Variants in NRG3 observed in about 807,000 individuals in gnomAD.
NRG3 encodes pro-neuregulin-3, membrane-bound isoform.
NRG3 carries 31 observed loss-of-function variants against 66.9 expected under a neutral mutation model. The ratio of observed to expected loss-of-function variants is 0.46; its 90% CI spans 0.35 to 0.63. NRG3 has a LOEUF of 0.63. Among genes scored for constraint, NRG3 ranks in the 20% least tolerant of loss-of-function variants. NRG3 has a pLI of 0.00. For missense variants in NRG3, 910 were observed against 878.9 expected (o/e 1.04, Z -0.45); for synonymous variants, 393 against 359.4 (o/e 1.09, Z -1.06).
At chr10:82,957,411 A>G (rs1485284842) in intron 5 of NRG3, among the ~76,000 whole-genome samples, 3 of 151,876 alleles carry the variant, frequency 2.0e-5, no homozygotes, top group Non-Finnish European at 4.4e-5. Context: ...TGACGGCACT[A>G]TCTTTGTCAG....
At chr10:82,498,511 A>G (rs1299635375) in intron 2 of NRG3, among the ~76,000 whole-genome samples, 5 of 152,158 alleles carry the variant, frequency 3.3e-5, no homozygotes, top group Admixed American at 3.3e-4. Flanking sequence ...GATGTTGTAA[A>G]GGGGTTTACC....
At chr10:82,043,282 A>G (rs1375904749) in intron 1 of NRG3, among the ~76,000 whole-genome samples, 1 of 152,094 alleles carries the variant, frequency 6.6e-6, no homozygotes, top group Non-Finnish European at 1.5e-5. Context: ...CAAATAAGCA[A>G]GTTCAAGCTT....
chr10:82,686,064 C>T (rs112084295), intron 2 of NRG3, among the ~76,000 whole-genome samples: 90 of 152,174 alleles, frequency 5.9e-4, no homozygotes, highest in African/African-American at 2.2e-3. Context: ...AAAGAGTATA[C>T]TCTAAAACAA....
chr10:82,935,158 A>G (rs2132203954), intron 4 of NRG3, among the ~76,000 whole-genome samples: 2 of 152,300 alleles, frequency 1.3e-5, no homozygotes, highest in South Asian at 4.1e-4. Context: ...CACTTTTTGT[A>G]TAGGTAAGGT....
At chr10:82,898,384 C>A (rs985867716) in intron 4 of NRG3, among the ~76,000 whole-genome samples, 4 of 152,184 alleles carry the variant, frequency 2.6e-5, no homozygotes, top group Non-Finnish European at 2.9e-5. Context: ...CCCTTCAAGA[C>A]CACCCTTCAG....
At chr10:82,358,322 A>C (rs1296084763) in intron 1 of NRG3, among the ~76,000 whole-genome samples, 1 of 152,206 alleles carries the variant, frequency 6.6e-6, no homozygotes, top group Non-Finnish European at 1.5e-5. Flanking sequence ...TGGATTCCAC[A>C]GAACAGTCAC....
At chr10:82,506,103 C>T (rs911534515) in intron 2 of NRG3, among the ~76,000 whole-genome samples, 11 of 152,074 alleles carry the variant, frequency 7.2e-5, no homozygotes, top group African/African-American at 1.7e-4. Flanking sequence ...AAAAAACTAG[C>T]GAGGCATGGT....
chr10:82,539,695 G>A (rs1016824219), intron 2 of NRG3, among the ~76,000 whole-genome samples: 7 of 151,694 alleles, frequency 4.6e-5, no homozygotes, highest in Non-Finnish European at 7.4e-5. Flanking sequence ...GTGCAGTGGC[G>A]GGATCTCGTC....
chr10:82,177,146 T>G (rs1247139636), intron 1 of NRG3, among the ~76,000 whole-genome samples: 1 of 152,146 alleles, frequency 6.6e-6, no homozygotes, highest in Non-Finnish European at 1.5e-5. Flanking sequence ...TAATGTTTGC[T>G]ATGTTTATAT....
chr10:81,877,611 C>T, intron 1 of NRG3: 1 of 1,012,534 alleles, frequency 9.9e-7, no homozygotes, highest in Non-Finnish European at 1.2e-6. Flanking sequence ...AAGTAAGGTC[C>T]AGGAGAGGGA....
intron 1 of NRG3, among the ~76,000 whole-genome samples, chr10:82,203,141 G>C (rs2074933088): frequency 6.6e-6 from 1 of 152,154 alleles, no homozygotes; most frequent in African/African-American, 2.4e-5. Flanking sequence ...ACGGATTATA[G>C]AAAAGAGTGA....
rs1400131677 is a variant in NRG3 at position 82,083,158 on chromosome 10, A to G, written c.823+206995A>G. On this transcript the variant is annotated intron_variant, in intron 1 of 8. Coordinates refer to ENST00000372141, the MANE Select transcript of NRG3 (RefSeq NM_001010848.4). Reference sequence around the variant, plus strand: ...CACACATGACTTAAGGCTATTTTTGATGATGTACAGTAGCACTGTATCCAT... The same window carrying G: ...CACACATGACTTAAGGCTATTTTTGGTGATGTACAGTAGCACTGTATCCAT... Among the ~76,000 whole-genome samples, 11 of 152,188 alleles carry G rather than the reference A, an allele frequency of 7.2e-5. No homozygotes were observed. In the East Asian group the frequency reaches 7.7e-4, roughly 11 times the overall value.
intron 1 of NRG3, among the ~76,000 whole-genome samples, chr10:82,126,480 T>G (rs2068457844): frequency 6.6e-6 from 1 of 152,018 alleles, no homozygotes; most frequent in Non-Finnish European, 1.5e-5. Flanking sequence ...AGTAGATGTT[T>G]CGGTAGATCA....
chr10:82,529,291 C>A (rs1186669330), intron 2 of NRG3, among the ~76,000 whole-genome samples: 1 of 152,184 alleles, frequency 6.6e-6, no homozygotes, highest in East Asian at 1.9e-4. Flanking sequence ...GGTGTACCAG[C>A]CAGTTCTATG....
At chr10:82,542,903 T>C (rs910457021) in intron 2 of NRG3, among the ~76,000 whole-genome samples, 3 of 152,110 alleles carry the variant, frequency 2.0e-5, no homozygotes, top group African/African-American at 7.2e-5. Context: ...TCTTTTTTTT[T>C]TTTTTGAGAA....
intron 2 of NRG3, among the ~76,000 whole-genome samples, chr10:82,387,983 G>A (rs778326197): frequency 1.4e-4 from 22 of 152,204 alleles, no homozygotes; most frequent in East Asian, 9.7e-4. Flanking sequence ...ATACATATAT[G>A]TATAAGTATA....
At chr10:82,744,125 G>A (rs761330583) in intron 3 of NRG3, among the ~76,000 whole-genome samples, 5 of 152,086 alleles carry the variant, frequency 3.3e-5, no homozygotes, top group African/African-American at 4.8e-5. Context: ...ATTCAGAAGG[G>A]GAGTTCAGTG....
chr10:82,299,709 C>G (rs546012074), intron 1 of NRG3, among the ~76,000 whole-genome samples: 1 of 152,032 alleles, frequency 6.6e-6, no homozygotes, highest in Non-Finnish European at 1.5e-5. Flanking sequence ...GGAGGCAAGA[C>G]CTCAAATATT....
At chr10:82,653,298 G>A (rs2051575038) in intron 2 of NRG3, among the ~76,000 whole-genome samples, 1 of 152,214 alleles carries the variant, frequency 6.6e-6, no homozygotes, top group Admixed American at 6.5e-5. Flanking sequence ...AGTGAAGTGA[G>A]TAGGTGATAA....
Sources: gnomAD v4.1 joint callset for allele counts (sites outside exome capture counted in the v4.1 genomes callset) on GRCh38, gnomAD v4.1.1 for gene constraint, MANE v1.5 for transcripts, NCBI Gene and HGNC (gene_info 2026-07-23, HGNC 2026-07-21) for gene names.